The following CFAP299 variants were observed in gnomAD, a reference collection of about 807,000 sequenced individuals.
The protein encoded by CFAP299 is cilia and flagella associated protein 299, also known as cilia- and flagella-associated protein 299.
CFAP299 carries 21 observed loss-of-function variants against 27.0 expected under a neutral mutation model. The observed-to-expected ratio is 0.78, with a 90% confidence interval of 0.55 to 1.12. The LOEUF is 1.12. Among genes scored for constraint, CFAP299 ranks in the 50% most tolerant of loss-of-function variants. The probability of loss-of-function intolerance (pLI) is 0.00; values close to 1 mark genes in which losing one functional copy is unlikely to be tolerated. For missense variants in CFAP299, 310 were observed against 276.6 expected (o/e 1.12, Z -0.86); for synonymous variants, 104 against 98.1 (o/e 1.06, Z -0.36).
At chr4:80,912,955 C>G (rs1292046416) in intron 4 of CFAP299, among the ~76,000 whole-genome samples, 1 of 152,116 alleles carries the variant, frequency 6.6e-6, no homozygotes, top group Non-Finnish European at 1.5e-5. Flanking sequence ...AGGGACCAGC[C>G]ATAACAGAGG....
At chr4:80,465,102 G>A (rs1430125231) in intron 2 of CFAP299, among the ~76,000 whole-genome samples, 1 of 151,920 alleles carries the variant, frequency 6.6e-6, no homozygotes, top group Non-Finnish European at 1.5e-5. Flanking sequence ...TCTTCTGTGT[G>A]GAACCTATTA....
intron 2 of CFAP299, among the ~76,000 whole-genome samples, chr4:80,442,241 A>C (rs774646350): frequency 1.3e-5 from 2 of 152,202 alleles, no homozygotes; most frequent in Non-Finnish European, 2.9e-5. Flanking sequence ...TCCACCCCAA[A>C]TCAACAGAAT....
intron 3 of CFAP299, among the ~76,000 whole-genome samples, chr4:80,800,580 A>G (rs1459986695): frequency 2.4e-5 from 2 of 83,660 alleles, no homozygotes; most frequent in Admixed American, 4.3e-4. Flanking sequence ...TAATATAAAT[A>G]TATAATATAT....
intron 4 of CFAP299, among the ~76,000 whole-genome samples, chr4:80,886,902 C>T (rs1346626650): frequency 6.6e-6 from 1 of 151,790 alleles, no homozygotes; most frequent in African/African-American, 2.4e-5. Context: ...AAGAATCAAG[C>T]AGAAATTCTA....
chr4:80,835,659 T>C (rs1449921036), intron 3 of CFAP299, among the ~76,000 whole-genome samples: 3 of 152,086 alleles, frequency 2.0e-5, no homozygotes, highest in African/African-American at 7.2e-5. Flanking sequence ...TCCTGGATTA[T>C]CCAGATGGGC....
At chr4:80,635,605 A>G (rs1481380332) in intron 3 of CFAP299, among the ~76,000 whole-genome samples, 1 of 152,182 alleles carries the variant, frequency 6.6e-6, no homozygotes, top group East Asian at 1.9e-4. Flanking sequence ...TGTTCTCTTT[A>G]TTCTCTGTGT....
At chr4:80,444,654 G>A (rs998384878) in intron 2 of CFAP299, among the ~76,000 whole-genome samples, 1 of 152,146 alleles carries the variant, frequency 6.6e-6, no homozygotes, top group African/African-American at 2.4e-5. Context: ...AAAAGTAATT[G>A]CAACAAAAGC....
At chr4:80,549,317 T>C (rs985840267) in intron 2 of CFAP299, among the ~76,000 whole-genome samples, 1 of 152,018 alleles carries the variant, frequency 6.6e-6, no homozygotes, top group African/African-American at 2.4e-5. Flanking sequence ...GTGGGAGAAA[T>C]GATAGAAGAA....
chr4:80,952,716 T>A (rs1044096822), intron 5 of CFAP299, among the ~76,000 whole-genome samples: 2 of 152,128 alleles, frequency 1.3e-5, no homozygotes, highest in African/African-American at 4.8e-5. Flanking sequence ...ATTTTTTTTT[T>A]AATTTAGAGG....
In CFAP299 at chr4:80,963,686, A is replaced by T. The variant is rs904710291; in HGVS notation, c.*74A>T. On this transcript the variant is annotated 3_prime_UTR_variant, in exon 6 of 6. Transcript: ENST00000358105. The stretch of plus-strand genomic sequence containing the variant: ...CGTAGACAGAGCAAATTAGAATAAT[A>T]AATGAGCCCTGTAGCTGGAAGGCAA... 1.0e-6 allele frequency: 1 copy of T among 967,378 alleles called. No individual in the cohort carries two copies. Among genetic ancestry groups the T allele is most frequent in the African/African-American group, 1.7e-5 (1 of 60,484 alleles). 59.9% of individuals were successfully genotyped at this position (967,378 alleles called of 1,614,324 possible). A position where few individuals can be genotyped will look rare whatever the true frequency, so the allele number is the denominator to read the frequency against.
intron 3 of CFAP299, among the ~76,000 whole-genome samples, chr4:80,794,101 C>T (rs577541756): frequency 6.6e-5 from 10 of 152,212 alleles, no homozygotes; most frequent in Non-Finnish European, 1.3e-4. Context: ...TACCTCCATT[C>T]TGGAGAAGTA....
At chr4:80,582,256 C>T (rs1300098746) in intron 2 of CFAP299, among the ~76,000 whole-genome samples, 1 of 151,802 alleles carries the variant, frequency 6.6e-6, no homozygotes, top group Non-Finnish European at 1.5e-5. Flanking sequence ...TCCTCTGATA[C>T]TCGGTCTATA....
intron 2 of CFAP299, among the ~76,000 whole-genome samples, chr4:80,399,608 T>G (rs942474010): frequency 7.4e-5 from 11 of 148,062 alleles, no homozygotes; most frequent in Non-Finnish European, 1.6e-4. Flanking sequence ...ACCAAACACC[T>G]CATGTTCTCA....
At chr4:80,659,107 A>G (rs545691165) in intron 3 of CFAP299, among the ~76,000 whole-genome samples, 17 of 152,124 alleles carry the variant, frequency 1.1e-4, no homozygotes, top group Non-Finnish European at 2.1e-4. Context: ...TCATATACCA[A>G]AGGGACTTTT....
intron 3 of CFAP299, among the ~76,000 whole-genome samples, chr4:80,599,483 T>C (rs1737219534): frequency 6.6e-6 from 1 of 152,128 alleles, no homozygotes; most frequent in Admixed American, 6.6e-5. Flanking sequence ...CAGATAAGAA[T>C]CCTCAGTCTT....
chr4:80,374,822 A>G (rs1277742461), intron 2 of CFAP299, among the ~76,000 whole-genome samples: 1 of 152,100 alleles, frequency 6.6e-6, no homozygotes, highest in Non-Finnish European at 1.5e-5. Flanking sequence ...CCTATTGGCT[A>G]GGGAATTCCC....
chr4:80,800,908 T>C (rs1728551304), intron 3 of CFAP299, among the ~76,000 whole-genome samples: 1 of 150,082 alleles, frequency 6.7e-6, no homozygotes, highest in South Asian at 2.1e-4. Context: ...ACTGAAGAAC[T>C]TGGAGTCTGA....
chr4:80,657,723 G>A (rs1577982844), intron 3 of CFAP299, among the ~76,000 whole-genome samples: 1 of 151,912 alleles, frequency 6.6e-6, no homozygotes, highest in Non-Finnish European at 1.5e-5. Flanking sequence ...TCTTTTTTGG[G>A]TTCCATATAA....
At chr4:80,732,062 G>GACACACACACAC (rs1354639341) in intron 3 of CFAP299, among the ~76,000 whole-genome samples, 1 of 139,358 alleles carries the variant, frequency 7.2e-6, no homozygotes, top group African/African-American at 3.0e-5. Context: ...CAGACACACA[G>GACACACACACAC]ACACACAGAC....
Sources: gnomAD v4.1 joint callset for allele counts (sites outside exome capture counted in the v4.1 genomes callset) on GRCh38, gnomAD v4.1.1 for gene constraint, MANE v1.5 for transcripts, NCBI Gene and HGNC (gene_info 2026-07-23, HGNC 2026-07-21) for gene names.